Variants in C4orf50 observed in about 807,000 individuals in gnomAD.
C4orf50 encodes the protein uncharacterized protein C4orf50.
Under a neutral mutation model 77.2 loss-of-function variants are expected in C4orf50, and 80 were observed. The observed-to-expected ratio is 1.04, with a 90% CI of 0.87 to 1.25. C4orf50 has a LOEUF of 1.25. Ranked by LOEUF, C4orf50 falls within the 50% of genes most tolerant of loss-of-function variation. C4orf50 has a pLI of 0.00. For synonymous variants in C4orf50, 532 were observed against 465.3 expected, an observed-to-expected ratio of 1.14 and a Z score of -1.84; for missense variants, 1,257 against 1,152.9, an observed-to-expected ratio of 1.09 and a Z score of -1.31.
intron 7 of C4orf50, among the ~76,000 whole-genome samples, chr4:5,947,004 C>T (rs1299049479): frequency 6.6e-6 from 1 of 152,348 alleles, no homozygotes; most frequent in South Asian, 2.1e-4. Flanking sequence ...ACCACCATTT[C>T]AATAAAGATG....
chr4:6,013,712 G>T (rs188670402), intron 23 of C4orf50, among the ~76,000 whole-genome samples: 3 of 152,266 alleles, frequency 2.0e-5, no homozygotes, highest in Non-Finnish European at 1.5e-5. Context: ...GCATGCAGCT[G>T]GGTCCAAAGA....
chr4:5,990,356 C>A, exon 28 of C4orf50: 1 of 550,476 alleles, frequency 1.8e-6, no homozygotes. Context: ...GTCCCCCTTG[C>A]CTTCCCCTCT....
At chr4:5,983,774 G>C (rs954736929) in intron 28 of C4orf50, among the ~76,000 whole-genome samples, 2 of 152,224 alleles carry the variant, frequency 1.3e-5, no homozygotes, top group African/African-American at 2.4e-5. Flanking sequence ...TGGAGAAATA[G>C]AGCTTGGAGT....
chr4:5,988,999 T>G (rs1470821289), exon 28 of C4orf50: 3 of 1,536,068 alleles, frequency 2.0e-6, no homozygotes, highest in Non-Finnish European at 1.7e-6. Context: ...CTCTTCAAGC[T>G]CCAAAATTTT....
chr4:5,948,645 A>T (rs1718588154), intron 7 of C4orf50, among the ~76,000 whole-genome samples: 1 of 152,212 alleles, frequency 6.6e-6, no homozygotes, highest in African/African-American at 2.4e-5. Context: ...AATACAAAAA[A>T]TTAGCCGGGT....
At chr4:5,973,572 G>C in intron 31 of C4orf50, 87 bp downstream of exon 9, 4 of 1,130,848 alleles carry the variant, frequency 3.5e-6, no homozygotes, top group Non-Finnish European at 5.1e-6. Context: ...GAGGAAAGGA[G>C]GGGCTGCTCC....
chr4:5,973,383 G>A (rs1258898045), intron 31 of C4orf50, among the ~76,000 whole-genome samples: 1 of 152,240 alleles, frequency 6.6e-6, no homozygotes, highest in Non-Finnish European at 1.5e-5. Flanking sequence ...ACCCAATGAA[G>A]CTTGTATGAC....
At chr4:6,001,509 C>T (rs1721829019) in intron 25 of C4orf50, among the ~76,000 whole-genome samples, 3 of 152,176 alleles carry the variant, frequency 2.0e-5, no homozygotes, top group African/African-American at 7.2e-5. Flanking sequence ...TATTTCTCAT[C>T]CAGTAGAAAT....
intron 7 of C4orf50, among the ~76,000 whole-genome samples, chr4:5,917,325 A>T (rs1462669267): frequency 6.6e-6 from 1 of 152,136 alleles, no homozygotes; most frequent in Non-Finnish European, 1.5e-5. Context: ...ATAACTGAAA[A>T]ATATACATGA....
intron 28 of C4orf50, 43 bp downstream of exon 6, chr4:5,988,304 G>T (rs750172346): frequency 1.3e-6 from 2 of 1,592,078 alleles, no homozygotes; most frequent in South Asian, 1.2e-5. Flanking sequence ...CCCCGGAACA[G>T]AGTCATGCGT....
chr4:5,933,097 C>G (rs1717839345), intron 7 of C4orf50, among the ~76,000 whole-genome samples: 1 of 152,188 alleles, frequency 6.6e-6, no homozygotes, highest in African/African-American at 2.4e-5. Flanking sequence ...TTGTCTTGTG[C>G]ATCCTAAGCA....
chr4:5,983,810 T>C (rs1017588237), intron 28 of C4orf50, among the ~76,000 whole-genome samples: 1 of 152,224 alleles, frequency 6.6e-6, no homozygotes, highest in Non-Finnish European at 1.5e-5. Context: ...CTGCTGGTGT[T>C]TGTGGGACAA....
At chr4:5,922,491 G>C (rs116674137) in intron 7 of C4orf50, among the ~76,000 whole-genome samples, 3,028 of 152,290 alleles carry the variant, frequency 0.02, 59 homozygotes, top group Middle Eastern at 0.051. Context: ...TCAGGTGTTG[G>C]GGCTATGCTG....
At chr4:5,933,738 T>TC (rs928194462) in intron 7 of C4orf50, among the ~76,000 whole-genome samples, 9 of 151,774 alleles carry the variant, frequency 5.9e-5, no homozygotes, top group Non-Finnish European at 1.3e-4. Context: ...CATAGCAAGG[T>TC]CCCCTCTGGC....
intron 33 of C4orf50, among the ~76,000 whole-genome samples, chr4:5,961,200 A>G (rs1719253571): frequency 6.6e-6 from 1 of 152,230 alleles, no homozygotes. Flanking sequence ...CTGTAATCTC[A>G]GCTACTCAAA....
rs1020764811 is a variant in C4orf50, at chr4:5,964,894, G to A, written c.4275+130C>T. 9.8e-6 allele frequency: 7 copies of A among 714,340 alleles called. No individual in the cohort carries two copies. The African/African-American group carries it at 1.3e-4, about 13-fold the overall frequency. The allele number at this position is 714,340 out of a possible 1,614,324, so 44.3% of individuals were successfully genotyped here. On this transcript the variant is annotated intron_variant, in intron 33 of 33. Coordinates refer to ENST00000531445, the Ensembl canonical transcript of C4orf50. ...CCAGGGGGCTGTTCGGGAGTCGATTGTGTTCTATTTCTTGACCTGGTGGTG... is the reference window on the plus strand; with the variant it reads ...CCAGGGGGCTGTTCGGGAGTCGATTATGTTCTATTTCTTGACCTGGTGGTG...
chr4:5,962,285 T>A (rs1460206631), intron 33 of C4orf50, among the ~76,000 whole-genome samples: 1 of 152,232 alleles, frequency 6.6e-6, no homozygotes, highest in Non-Finnish European at 1.5e-5. Flanking sequence ...CCCTATGGAC[T>A]TGAAATGATT....
At chr4:5,929,077 T>C (rs1419827528) in intron 7 of C4orf50, among the ~76,000 whole-genome samples, 1 of 152,208 alleles carries the variant, frequency 6.6e-6, no homozygotes, top group African/African-American at 2.4e-5. Context: ...TGAACAAATG[T>C]GAAAAGGCCA....
rs71171498 is a variant in C4orf50, at chr4:5,964,767, CAAAAAAAAA to C, written c.4275+248_4275+256del. ...TGGGTAACAGAGCAAGACTCTGTCT[CAAAAAAAAA>C]AAAAAAAAAAAAAATGTCACCAGAC... On this transcript the variant is annotated intron_variant, in intron 33 of 33. Transcript: ENST00000531445. Among the ~76,000 whole-genome samples the C allele has an allele frequency of 9.6e-4, 104 of 107,930 alleles. No homozygotes were observed. The East Asian group carries it at 0.016, about 17-fold the overall frequency. The allele number at this position is 107,930 out of a possible 152,430, so 70.8% of individuals were successfully genotyped here. A position where few individuals can be genotyped will look rare whatever the true frequency, so the allele number is the denominator to read the frequency against.
Sources: allele counts gnomAD v4.1 joint callset (sites outside exome capture counted in the v4.1 genomes callset), GRCh38; gene constraint gnomAD v4.1.1; transcripts MANE v1.5; gene names NCBI Gene and HGNC (gene_info 2026-07-23, HGNC 2026-07-21).